Variants in SYK observed in about 807,000 individuals in gnomAD.
SYK encodes tyrosine-protein kinase SYK.
A neutral mutation model predicts 77.8 loss-of-function variants in SYK; 16 were observed. The ratio of observed to expected loss-of-function variants is 0.21; its 90% confidence interval spans 0.14 to 0.31. SYK has a LOEUF of 0.31. Ranked by LOEUF, SYK falls within the 10% of genes least tolerant of loss-of-function variation. The probability of loss-of-function intolerance (pLI) is 1.00; values close to 1 mark genes in which losing one functional copy is unlikely to be tolerated. For synonymous variants in SYK, 312 were observed against 308.7 expected (o/e 1.01, Z -0.11); for missense variants, 529 against 814.4 (o/e 0.65, Z 4.26).
In SYK at chr9:90,843,939, C is replaced by T; in HGVS notation, c.41C>T (p.Pro14Leu). 1 of 1,570,358 alleles carries T rather than the reference C, an allele frequency of 6.4e-7. No homozygotes were observed. Among genetic ancestry groups the T allele is most frequent in the African/African-American group, 1.3e-5 (1 of 74,094 alleles). The change falls in exon 2 of 14, where the codon CCC (proline) becomes CTC (leucine). Residue 14 changes from proline to leucine, a missense_variant. Pro to Leu is a moderately conservative substitution (Grantham distance 98). This residue lies in a region of SYK where 321 missense variants were observed against 433.1 expected (regional missense o/e 0.74). Transcript: ENST00000375754. ...ATGGCTGACAGCGCCAACCACCTGC[C>T]CTTCTTTTTCGGCAACATCACCCGG... The part of the protein sequence containing the change: ...SGMADSANHL[P>L]FFFGNITREE...
chr9:90,812,035 A>G (rs911869259), intron 1 of SYK, among the ~76,000 whole-genome samples: 2 of 152,068 alleles, frequency 1.3e-5, no homozygotes, highest in Non-Finnish European at 2.9e-5. Flanking sequence ...ATTTCTGCCT[A>G]TACATATTCT....
At chr9:90,832,430 G>A (rs1587833531) in intron 1 of SYK, among the ~76,000 whole-genome samples, 1 of 152,360 alleles carries the variant, frequency 6.6e-6, no homozygotes, top group South Asian at 2.1e-4. Flanking sequence ...GCCAGGCTCA[G>A]ATAATGTGGC....
intron 9 of SYK, 35 bp from the exon 10 acceptor site, chr9:90,877,536 G>T: frequency 6.2e-7 from 1 of 1,609,784 alleles, no homozygotes; most frequent in South Asian, 1.1e-5. Context: ...GAGGCATTTT[G>T]GAAAGTTTCT....
chr9:90,844,342 G>T, intron 2 of SYK, 27 bp downstream of exon 2: 1 of 1,529,798 alleles, frequency 6.5e-7, no homozygotes, highest in East Asian at 2.3e-5. Context: ...CCTGCTCCCT[G>T]GGCCCAGGGG....
Position 90,897,426 on chromosome 9 carries a change from A to G in SYK, c.*1826A>G, listed in dbSNP as rs1829032737. 4.3e-6 allele frequency: 1 copy of G among 232,256 alleles called. No homozygotes were observed. 14.4% of individuals were successfully genotyped at this position (232,256 alleles called of 1,614,324 possible). On this transcript the variant is annotated 3_prime_UTR_variant, in exon 14 of 14. Coordinates refer to ENST00000375754, the MANE Select transcript of SYK (RefSeq NM_003177.7). ...AAAATATCTGTCAGCCAGGCCACAA[A>G]CAGGTGTAAAATTATGAAAGGAGTG...
intron 3 of SYK, among the ~76,000 whole-genome samples, chr9:90,846,471 A>C (rs149191517): frequency 0.021 from 3,251 of 152,282 alleles, 62 homozygotes; most frequent in Non-Finnish European, 0.031. Context: ...CCATCTATTC[A>C]AAGGAATTTC....
chr9:90,850,685 C>A (rs1035750649), intron 3 of SYK, among the ~76,000 whole-genome samples: 1 of 151,698 alleles, frequency 6.6e-6, no homozygotes, highest in Non-Finnish European at 1.5e-5. Context: ...TACCAATATG[C>A]TGTCTCCACC....
chr9:90,828,952 T>A (rs1290181333), intron 1 of SYK, among the ~76,000 whole-genome samples: 1 of 152,086 alleles, frequency 6.6e-6, no homozygotes, highest in Admixed American at 6.6e-5. Flanking sequence ...TAGGGCAATA[T>A]TAGATTATAG....
Position 90,867,115 on chromosome 9 carries a change from C to T in SYK, c.847-16C>T, listed in dbSNP as rs2118825809. On this transcript the variant is annotated splice_polypyrimidine_tract_variant and intron_variant, in intron 6 of 13. Transcript: ENST00000375754. ...CTGAAACATTTACTGTTCCTCTTTG[C>T]CGTTGTGGTTTCTAGACTTGGTCAG... 3 of 1,613,754 alleles carry T rather than the reference C, an allele frequency of 1.9e-6. No individual in the cohort carries two copies. Among genetic ancestry groups the T allele is most frequent in the African/African-American group, 1.3e-5 (1 of 75,028 alleles).
intron 1 of SYK, among the ~76,000 whole-genome samples, chr9:90,829,527 A>G (rs60979477): frequency 0.011 from 1,623 of 152,288 alleles, 30 homozygotes; most frequent in African/African-American, 0.037. Flanking sequence ...AGGCAAGAAG[A>G]CGTGAGGATA....
intron 3 of SYK, among the ~76,000 whole-genome samples, chr9:90,854,483 T>G (rs1218583959): frequency 4.6e-5 from 7 of 152,134 alleles, no homozygotes; most frequent in African/African-American, 1.7e-4. Context: ...AGAACATCAC[T>G]GTCCCCTGCA....
chr9:90,874,532 T>C, intron 8 of SYK, 140 bp from the exon 9 acceptor site: 1 of 1,146,638 alleles, frequency 8.7e-7, no homozygotes, highest in Non-Finnish European at 1.3e-6. Flanking sequence ...GAAATGTCCC[T>C]GCCACTCTTC....
At chr9:90,840,790 G>C (rs897190079) in intron 1 of SYK, among the ~76,000 whole-genome samples, 6 of 152,298 alleles carry the variant, frequency 3.9e-5, no homozygotes, top group African/African-American at 1.2e-4. Flanking sequence ...TGCTGTGAGA[G>C]GCAAGCCAGG....
intron 7 of SYK, among the ~76,000 whole-genome samples, chr9:90,869,800 C>T (rs2118843791): frequency 6.6e-6 from 1 of 152,302 alleles, no homozygotes; most frequent in East Asian, 1.9e-4. Context: ...GCATTTTAAA[C>T]TTGTCTTTAG....
At chr9:90,892,517 A>T (rs974221211) in intron 13 of SYK, among the ~76,000 whole-genome samples, 1 of 152,156 alleles carries the variant, frequency 6.6e-6, no homozygotes, top group African/African-American at 2.4e-5. Context: ...GGGATGGCCC[A>T]TGCTTCACTC....
chr9:90,864,618 T>C lies in SYK; in HGVS notation c.747T>C (p.Asp249=). 2 of 1,614,188 alleles carry C rather than the reference T, an allele frequency of 1.2e-6. No homozygotes were observed. Among genetic ancestry groups the C allele is most frequent in the Non-Finnish European group, 1.7e-6 (2 of 1,180,018 alleles). Residue 249 remains aspartate, a synonymous_variant, in exon 5 of 14, where the codon GAT becomes GAC. Transcript: ENST00000375754. The part of the protein sequence containing the change: ...QLVEHYSYKA[D]GLLRVLTVPC... The stretch of plus-strand genomic sequence containing the variant: ...TCGAGCATTATTCTTATAAAGCAGA[T>C]GGTTTGTTAAGAGTTCTTACTGTCC...
intron 1 of SYK, among the ~76,000 whole-genome samples, chr9:90,815,695 C>A (rs775638722): frequency 1.3e-5 from 2 of 152,256 alleles, no homozygotes; most frequent in East Asian, 3.8e-4. Flanking sequence ...TTAACACTTT[C>A]ATTCACTAAA....
intron 1 of SYK, among the ~76,000 whole-genome samples, chr9:90,809,683 C>T (rs998533869): frequency 1.3e-5 from 2 of 152,238 alleles, no homozygotes; most frequent in South Asian, 2.1e-4. Context: ...TTATGCATGC[C>T]TTCCTTCCAT....
At chr9:90,885,814 C>G (rs1828550472) in intron 11 of SYK, among the ~76,000 whole-genome samples, 1 of 152,112 alleles carries the variant, frequency 6.6e-6, no homozygotes, top group Non-Finnish European at 1.5e-5. Context: ...ATAAAGGAAC[C>G]ACCATTAGAC....
Sources: gnomAD v4.1 joint callset for allele counts (sites outside exome capture counted in the v4.1 genomes callset) on GRCh38, gnomAD v4.1.1 for gene constraint, gnomAD v4.1.1 regional missense constraint, MANE v1.5 for transcripts, NCBI Gene and HGNC (gene_info 2026-07-23, HGNC 2026-07-21) for gene names.